The following CLMP variants were observed in gnomAD, a reference collection of about 807,000 sequenced individuals.
CLMP encodes CXADR like cell adhesion molecule, also known as CXADR-like membrane protein.
CLMP carries 27 observed loss-of-function variants against 45.2 expected under a neutral mutation model. The observed-to-expected ratio is 0.60, with a 90% CI of 0.44 to 0.82. CLMP has a LOEUF of 0.82. Ranked by LOEUF, CLMP falls within the 40% of genes least tolerant of loss-of-function variation. CLMP has a pLI of 0.00. For missense variants in CLMP, 403 were observed against 448.4 expected, an observed-to-expected ratio of 0.90 and a Z score of 0.91; for synonymous variants, 167 against 171.4, an observed-to-expected ratio of 0.97 and a Z score of 0.20.
At chr11:123,121,365 T>A (rs576615643) in intron 1 of CLMP, among the ~76,000 whole-genome samples, 15 of 152,188 alleles carry the variant, frequency 9.9e-5, no homozygotes, top group African/African-American at 3.6e-4. Context: ...TGGCACAATC[T>A]CGGGTCACTG....
intron 1 of CLMP, among the ~76,000 whole-genome samples, chr11:123,169,535 C>T (rs1861602076): frequency 6.6e-6 from 1 of 152,194 alleles, no homozygotes; most frequent in African/African-American, 2.4e-5. Flanking sequence ...AGTGTCCAAC[C>T]CCTCTTAGAT....
intron 1 of CLMP, among the ~76,000 whole-genome samples, chr11:123,171,615 T>C (rs1400158439): frequency 1.3e-5 from 2 of 151,974 alleles, no homozygotes; most frequent in African/African-American, 4.8e-5. Flanking sequence ...CGGCCAATTT[T>C]TGTTTTTTAG....
chr11:123,182,191 A>C (rs1396774246), intron 1 of CLMP, among the ~76,000 whole-genome samples: 1 of 152,240 alleles, frequency 6.6e-6, no homozygotes, highest in Non-Finnish European at 1.5e-5. Flanking sequence ...CCGATTTAAA[A>C]GACCGAACAA....
chr11:123,157,412 G>A (rs551194798), intron 1 of CLMP, among the ~76,000 whole-genome samples: 15 of 152,268 alleles, frequency 9.9e-5, no homozygotes, highest in East Asian at 1.9e-4. Context: ...AAATTACCCC[G>A]GCGTGGTGGC....
At chr11:123,176,501 C>A in intron 1 of CLMP, among the ~76,000 whole-genome samples, 1 of 152,232 alleles carries the variant, frequency 6.6e-6, no homozygotes, top group East Asian at 1.9e-4. Flanking sequence ...CACTACTCCA[C>A]AGGCTTCCTT....
rs370904077 is a variant in CLMP, at chr11:123,084,576, C to A, written c.324G>T (p.Arg108=). The A allele has an allele frequency of 6.2e-7, 1 of 1,614,084 alleles. No homozygotes were observed. Among genetic ancestry groups the A allele is most frequent in the African/African-American group, 1.3e-5 (1 of 74,936 alleles). The change falls in exon 3 of 7, where the codon CGG becomes CGT. Residue 108 remains arginine (R), a synonymous_variant. Coordinates refer to ENST00000448775, the MANE Select transcript of CLMP (RefSeq NM_024769.5). ...CTGAATTCTTAACCTTACAGGTGTA[C>A]CGGCCCTCATCACTGGGCTTCAGAG... ...IEPLKPSDEG[R]YTCKVKNSGR... is the part of the protein sequence containing the mutation.
chr11:123,148,418 T>A (rs1361752405), intron 1 of CLMP, among the ~76,000 whole-genome samples: 1 of 152,220 alleles, frequency 6.6e-6, no homozygotes, highest in East Asian at 1.9e-4. Context: ...CATGCAAGAA[T>A]GTACCTGCCT....
In CLMP at chr11:123,152,976, G is replaced by A. The variant is rs118069020; in HGVS notation, c.28+41937C>T. Among the ~76,000 whole-genome samples, 468 of 152,262 alleles carry A rather than the reference G, an allele frequency of 3.1e-3. 13 individuals carry two copies. The highest frequency in any genetic ancestry group is 0.019 in the Admixed American group (290 of 15,292). On this transcript the variant is annotated intron_variant, in intron 1 of 6. Transcript: ENST00000448775. The stretch of plus-strand genomic sequence containing the variant: ...TGGATAAAGTGGTTCAGCCACTGGC[G>A]GATACAAATTGCCCCCAGAGGAAGC...
At chr11:123,135,879 C>T (rs1179804938) in intron 1 of CLMP, 5 of 481,706 alleles carry the variant, frequency 1.0e-5, no homozygotes, top group Non-Finnish European at 2.1e-5. Flanking sequence ...TGCCACTTTT[C>T]TTCTCATAGT....
Position 123,150,416 on chromosome 11 carries a change from TAAGAAAGA to T in CLMP, c.28+44489_28+44496del, listed in dbSNP as rs1166159977. On this transcript the variant is annotated intron_variant, in intron 1 of 6. Transcript: ENST00000448775. ...AGATGAACAAAAGAAGGAAGGAAGG[TAAGAAAGA>T]AAGAAAGAAAGAAAGAAAGAAAGAA... 5.0e-3 allele frequency among the ~76,000 whole-genome samples: 155 copies of T among 30,934 alleles called. 4 individuals are homozygous for T. The highest frequency in any genetic ancestry group is 6.5e-3 in the African/African-American group (47 of 7,264). 20.3% of individuals were successfully genotyped at this position (30,934 alleles called of 152,430 possible).
At chr11:123,075,404 TGA>T (rs1230812400) in intron 5 of CLMP, among the ~76,000 whole-genome samples, 2 of 151,568 alleles carry the variant, frequency 1.3e-5, no homozygotes, top group African/African-American at 4.9e-5. Flanking sequence ...TTGTTTGTTT[TGA>T]GAGGGAGTCT....
chr11:123,140,628 C>G (rs970013642), intron 1 of CLMP, among the ~76,000 whole-genome samples: 3 of 152,100 alleles, frequency 2.0e-5, no homozygotes, highest in Non-Finnish European at 4.4e-5. Context: ...CTCTTTCTCT[C>G]TGCCAACTCT....
chr11:123,163,262 G>T (rs1029626108), intron 1 of CLMP, among the ~76,000 whole-genome samples: 3 of 152,200 alleles, frequency 2.0e-5, no homozygotes, highest in African/African-American at 7.2e-5. Context: ...TGTCCTGTTT[G>T]CTAGTCAGTG....
intron 1 of CLMP, among the ~76,000 whole-genome samples, chr11:123,156,547 T>C (rs564741376): frequency 3.9e-5 from 6 of 152,350 alleles, no homozygotes; most frequent in African/African-American, 1.4e-4. Context: ...GGGGATTTTT[T>C]TGGTAGTGAT....
intron 1 of CLMP, among the ~76,000 whole-genome samples, chr11:123,161,960 C>T (rs1413619991): frequency 6.6e-6 from 1 of 152,186 alleles, no homozygotes; most frequent in Non-Finnish European, 1.5e-5. Context: ...GCTTTGAGCT[C>T]CTGAATACCT....
At chr11:123,144,108 CTGACAGCCT>C (rs1168308861) in intron 1 of CLMP, among the ~76,000 whole-genome samples, 1 of 152,198 alleles carries the variant, frequency 6.6e-6, no homozygotes, top group African/African-American at 2.4e-5. Flanking sequence ...GCCACTGCAC[CTGACAGCCT>C]TGTGAGATTC....
intron 2 of CLMP, among the ~76,000 whole-genome samples, chr11:123,085,394 G>A (rs950256023): frequency 1.3e-5 from 2 of 151,864 alleles, no homozygotes; most frequent in African/African-American, 4.8e-5. Context: ...GATTACAGGT[G>A]TACACCACCA....
chr11:123,194,208 G>A (rs894881602), intron 1 of CLMP, among the ~76,000 whole-genome samples: 24 of 152,062 alleles, frequency 1.6e-4, no homozygotes, highest in African/African-American at 5.8e-4. Context: ...TTGCTCTGGA[G>A]CCTGTTTCAG....
At chr11:123,138,033 AG>A (rs1296629226) in intron 1 of CLMP, among the ~76,000 whole-genome samples, 3 of 151,310 alleles carry the variant, frequency 2.0e-5, no homozygotes, top group African/African-American at 4.9e-5. Context: ...GGAAACCCTC[AG>A]GGCCCGGGGC....
Sources: gnomAD v4.1 joint callset for allele counts (sites outside exome capture counted in the v4.1 genomes callset) on GRCh38, gnomAD v4.1.1 for gene constraint, MANE v1.5 for transcripts, NCBI Gene and HGNC (gene_info 2026-07-23, HGNC 2026-07-21) for gene names.